The following LINGO1 variants were observed in gnomAD, a reference collection of about 807,000 sequenced individuals.
The protein encoded by LINGO1 is leucine rich repeat and Ig domain containing 1, also known as leucine-rich repeat and immunoglobulin-like domain-containing nogo receptor-interacting protein 1.
In LINGO1, 11 loss-of-function variants were observed where a neutral mutation model predicts 37.3. The ratio of observed to expected loss-of-function variants is 0.29; its 90% CI spans 0.19 to 0.49. The LOEUF is 0.49. LINGO1 is among the 20% of genes least tolerant of loss of function. The pLI, the probability that LINGO1 is intolerant of heterozygous loss-of-function variation, is 0.99. For missense variants in LINGO1, 585 were observed against 878.2 expected (o/e 0.67, Z 4.22); for synonymous variants, 387 against 403.0 (o/e 0.96, Z 0.48).
At chr15:77,813,650 A>G (rs2077025039) in intron 1 of LINGO1, among the ~76,000 whole-genome samples, 1 of 152,192 alleles carries the variant, frequency 6.6e-6, no homozygotes. Context: ...TTGAATGATC[A>G]TAGATCATCA....
chr15:77,679,041 C>T (rs1234494956), intron 2 of LINGO1, among the ~76,000 whole-genome samples: 2 of 152,124 alleles, frequency 1.3e-5, no homozygotes, highest in African/African-American at 2.4e-5. Context: ...GCTGGGATTA[C>T]AGATGCGCAC....
intron 1 of LINGO1, among the ~76,000 whole-genome samples, chr15:77,739,333 G>C (rs1193176398): frequency 1.3e-5 from 2 of 152,146 alleles, no homozygotes; most frequent in African/African-American, 2.4e-5. Context: ...GAGATAACTC[G>C]ATATAATGAA....
At position 77,614,000 on chromosome 15, in the gene LINGO1, T is replaced by TC; in HGVS notation, c.*43dup. On this transcript the variant is annotated 3_prime_UTR_variant, in exon 2 of 2. Coordinates refer to ENST00000355300, the MANE Select transcript of LINGO1 (RefSeq NM_032808.7). ...GTGAGCAGGTGGCGGCCAGGCCCCT[T>TC]CCCCTGCCCGGCCGCCCGGGGGTCC... 1 of 1,495,216 alleles carries TC rather than the reference T, an allele frequency of 6.7e-7. No homozygotes were observed. Among genetic ancestry groups the TC allele is most frequent in the Non-Finnish European group, 9.0e-7 (1 of 1,109,402 alleles). The allele number at this position is 1,495,216 out of a possible 1,614,324, so 92.6% of individuals were successfully genotyped here. A position where few individuals can be genotyped will look rare whatever the true frequency, so the allele number is the denominator to read the frequency against.
At chr15:77,757,099 C>A (rs934044695) in intron 1 of LINGO1, among the ~76,000 whole-genome samples, 8 of 152,212 alleles carry the variant, frequency 5.3e-5, no homozygotes, top group Non-Finnish European at 1.2e-4. Flanking sequence ...CCCTACTGCC[C>A]CACTCCTTGG....
intron 1 of LINGO1, among the ~76,000 whole-genome samples, chr15:77,741,469 C>A (rs2076263624): frequency 6.6e-6 from 1 of 152,194 alleles, no homozygotes; most frequent in Admixed American, 6.5e-5. Flanking sequence ...AGGGCTCTTG[C>A]CCCAGGAAGG....
intron 1 of LINGO1, among the ~76,000 whole-genome samples, chr15:77,736,788 CA>C (rs2076208137): frequency 6.6e-6 from 1 of 151,794 alleles, no homozygotes; most frequent in Admixed American, 6.6e-5. Context: ...AAAGAAAAAC[CA>C]AAAAGAAAGA....
intron 1 of LINGO1, among the ~76,000 whole-genome samples, chr15:77,819,766 C>T (rs1221678292): frequency 2.0e-5 from 3 of 151,064 alleles, no homozygotes; most frequent in East Asian, 3.9e-4. Flanking sequence ...CCGGCTCCCG[C>T]ACCCTGCCTG....
At chr15:77,726,856 G>T (rs749873270) in intron 2 of LINGO1, among the ~76,000 whole-genome samples, 3 of 152,234 alleles carry the variant, frequency 2.0e-5, no homozygotes, top group African/African-American at 4.8e-5. Flanking sequence ...TCTGAAAGGG[G>T]TTAATATCTA....
intron 1 of LINGO1, among the ~76,000 whole-genome samples, chr15:77,808,838 CAG>C (rs1022042738): frequency 2.0e-5 from 3 of 152,174 alleles, no homozygotes; most frequent in African/African-American, 7.2e-5. Flanking sequence ...CAACACTTAA[CAG>C]GGGTTCAGTG....
intron 2 of LINGO1, among the ~76,000 whole-genome samples, chr15:77,701,516 G>A (rs528382176): frequency 5.1e-4 from 78 of 152,132 alleles, no homozygotes; most frequent in African/African-American, 1.1e-3. Flanking sequence ...GGTGTCTGTC[G>A]CCTCCAAATA....
At chr15:77,618,171 G>A (rs577233659) in intron 1 of LINGO1, among the ~76,000 whole-genome samples, 1 of 152,346 alleles carries the variant, frequency 6.6e-6, no homozygotes, top group East Asian at 1.9e-4. Flanking sequence ...CTGGCGGGTG[G>A]GGGGAGCTGC....
chr15:77,708,445 G>A (rs1233631258), intron 2 of LINGO1, among the ~76,000 whole-genome samples: 1 of 152,182 alleles, frequency 6.6e-6, no homozygotes, highest in African/African-American at 2.4e-5. Flanking sequence ...GGCCCAGAAG[G>A]AAAACGAAGG....
chr15:77,788,613 G>C (rs375767208), upstream of LINGO1: 1 of 152,254 alleles, frequency 6.6e-6, no homozygotes, highest in Non-Finnish European at 1.5e-5. Flanking sequence ...AGACAGCACA[G>C]AGTCTAGCAT....
chr15:77,688,387 G>A (rs1381435733), intron 2 of LINGO1, among the ~76,000 whole-genome samples: 1 of 152,224 alleles, frequency 6.6e-6, no homozygotes, highest in Non-Finnish European at 1.5e-5. Flanking sequence ...TACCCGTTAA[G>A]TAAATTTAAT....
chr15:77,622,510 G>A (rs1269500012), intron 1 of LINGO1, among the ~76,000 whole-genome samples: 1 of 152,182 alleles, frequency 6.6e-6, no homozygotes, highest in Admixed American at 6.5e-5. Context: ...AAAGGTGAGG[G>A]GACTCACGCC....
At chr15:77,622,520 C>T (rs1018995608) in intron 1 of LINGO1, among the ~76,000 whole-genome samples, 7 of 152,292 alleles carry the variant, frequency 4.6e-5, no homozygotes, top group Non-Finnish European at 7.4e-5. Flanking sequence ...GGACTCACGC[C>T]GGATCACCAA....
chr15:77,738,994 C>A lies in LINGO1; in HGVS notation c.-256-3941G>T, dbSNP rs142223891. Among the ~76,000 whole-genome samples the A allele has an allele frequency of 3.6e-3, 548 of 152,380 alleles. 5 individuals carry two copies. Among genetic ancestry groups the A allele is most frequent in the African/African-American group, 0.012 (514 of 41,592 alleles). On this transcript the variant is annotated intron_variant, in intron 1 of 3. Coordinates refer to the LINGO1 transcript ENST00000561686. ...GCGAGACTGAGGTCCGGCCAGCTGG[C>A]GCAGCAGCGCACACTGCACAGCAGT...
intron 1 of LINGO1, among the ~76,000 whole-genome samples, chr15:77,816,018 T>C (rs1423025805): frequency 1.3e-5 from 2 of 152,096 alleles, no homozygotes; most frequent in African/African-American, 2.4e-5. Context: ...ACGTTCGCAT[T>C]CTCCATTCAC....
intron 3 of LINGO1, among the ~76,000 whole-genome samples, chr15:77,669,916 T>C (rs1250945911): frequency 6.6e-6 from 1 of 152,184 alleles, no homozygotes; most frequent in Non-Finnish European, 1.5e-5. Context: ...AGCAGCATTA[T>C]TCATAAGAGC....
Sources: gnomAD v4.1 joint callset for allele counts (sites outside exome capture counted in the v4.1 genomes callset) on GRCh38, gnomAD v4.1.1 for gene constraint, MANE v1.5 for transcripts, NCBI Gene and HGNC (gene_info 2026-07-23, HGNC 2026-07-21) for gene names.